Variants in AGBL1 observed in about 807,000 individuals in gnomAD.
AGBL1 encodes AGBL carboxypeptidase 1, also known as cytosolic carboxypeptidase 4.
A neutral mutation model predicts 118.9 loss-of-function variants in AGBL1; 130 were observed. That is an observed-to-expected ratio of 1.09 (90% CI 0.95 to 1.26). The LOEUF (loss-of-function observed/expected upper bound fraction) is 1.26. Ranked by LOEUF, AGBL1 falls within the 50% of genes most tolerant of loss-of-function variation. The pLI is 0.00. For missense variants in AGBL1, 1,584 were observed against 1,298.1 expected (o/e 1.22, Z -3.38); for synonymous variants, 555 against 478.9 (o/e 1.16, Z -2.08).
intron 24 of AGBL1, among the ~76,000 whole-genome samples, chr15:86,999,349 C>A (rs1277061066): frequency 6.7e-6 from 1 of 149,700 alleles, no homozygotes; most frequent in Non-Finnish European, 1.5e-5. Flanking sequence ...TTAGGTATAT[C>A]TCCCGATGCT....
intron 9 of AGBL1, chr15:86,262,573 C>T: frequency 1.6e-6 from 1 of 630,096 alleles, no homozygotes; most frequent in Admixed American, 2.2e-5. Context: ...GACATAAATG[C>T]TGAGACAAGT....
intron 5 of AGBL1, among the ~76,000 whole-genome samples, chr15:86,161,408 G>A (rs2077265367): frequency 6.6e-6 from 1 of 152,114 alleles, no homozygotes; most frequent in South Asian, 2.1e-4. Context: ...AATTTTACCG[G>A]AAAATAAATT....
At chr15:86,992,642 C>T (rs548133137) in intron 24 of AGBL1, among the ~76,000 whole-genome samples, 2 of 152,144 alleles carry the variant, frequency 1.3e-5, no homozygotes, top group South Asian at 4.2e-4. Flanking sequence ...GGACAGATGG[C>T]CATGGGTTCA....
chr15:86,257,851 G>A, intron 8 of AGBL1, 113 bp from the exon 9 acceptor site: 2 of 954,044 alleles, frequency 2.1e-6, no homozygotes, highest in South Asian at 3.2e-5. Context: ...ATTAATATTG[G>A]GCCCCTTATT....
chr15:86,473,024 C>T (rs1328786340), intron 18 of AGBL1, among the ~76,000 whole-genome samples: 2 of 152,098 alleles, frequency 1.3e-5, no homozygotes, highest in Non-Finnish European at 2.9e-5. Context: ...TATAAATATT[C>T]TTATAACTAC....
intron 22 of AGBL1, among the ~76,000 whole-genome samples, chr15:86,842,068 T>TTCTGAAAC (rs58449695): frequency 0.28 from 42,194 of 151,674 alleles, 5,844 homozygotes; most frequent in East Asian, 0.36. Context: ...TGGTAGAAGA[T>TTCTGAAAC]TCTGAAACTC....
At chr15:86,294,450 T>G (rs1005987463) in intron 16 of AGBL1, among the ~76,000 whole-genome samples, 5 of 150,890 alleles carry the variant, frequency 3.3e-5, no homozygotes, top group Admixed American at 6.6e-5. Flanking sequence ...GGTGTCCTAA[T>G]TTCAATGGCT....
At chr15:86,941,056 C>T (rs1297291172) in intron 23 of AGBL1, among the ~76,000 whole-genome samples, 2 of 152,150 alleles carry the variant, frequency 1.3e-5, no homozygotes, top group East Asian at 3.9e-4. Flanking sequence ...TTGGCAAAAG[C>T]AATCAGTAGA....
At chr15:86,331,467 C>A in intron 17 of AGBL1, among the ~76,000 whole-genome samples, 2 of 152,120 alleles carry the variant, frequency 1.3e-5, no homozygotes, top group East Asian at 3.9e-4. Context: ...CTGCAAGATG[C>A]TACAATGATG....
At chr15:86,732,964 T>C (rs1222427917) in intron 22 of AGBL1, among the ~76,000 whole-genome samples, 2 of 145,018 alleles carry the variant, frequency 1.4e-5, no homozygotes, top group Non-Finnish European at 3.0e-5. Context: ...TACACACATA[T>C]ACATATACAT....
intron 22 of AGBL1, among the ~76,000 whole-genome samples, chr15:86,861,315 G>A (rs1443828831): frequency 2.0e-5 from 3 of 152,152 alleles, no homozygotes; most frequent in South Asian, 2.1e-4. Context: ...AAATCCAGCA[G>A]CTACAAATGA....
intron 1 of AGBL1, among the ~76,000 whole-genome samples, chr15:86,106,932 G>T (rs753596617): frequency 1.3e-5 from 2 of 152,168 alleles, no homozygotes; most frequent in East Asian, 1.9e-4. Flanking sequence ...GAACCAACTG[G>T]CAGTGATCAA....
intron 13 of AGBL1, among the ~76,000 whole-genome samples, chr15:86,269,381 G>A (rs564875041): frequency 3.5e-4 from 54 of 152,312 alleles, no homozygotes; most frequent in African/African-American, 1.3e-3. Context: ...ATCTCAAATA[G>A]CAATGGCATA....
At chr15:86,871,345 T>C (rs763195563) in intron 22 of AGBL1, among the ~76,000 whole-genome samples, 1 of 152,160 alleles carries the variant, frequency 6.6e-6, no homozygotes, top group Non-Finnish European at 1.5e-5. Context: ...ACTGTTTCAA[T>C]AGGAAGCCCA....
intron 21 of AGBL1, among the ~76,000 whole-genome samples, chr15:86,642,007 C>G (rs1459954416): frequency 6.6e-6 from 1 of 152,168 alleles, no homozygotes; most frequent in African/African-American, 2.4e-5. Context: ...TGAACTTGTT[C>G]TCATGGTAAT....
At chr15:86,289,495 C>T (rs1857494000) in intron 16 of AGBL1, among the ~76,000 whole-genome samples, 1 of 152,108 alleles carries the variant, frequency 6.6e-6, no homozygotes, top group Non-Finnish European at 1.5e-5. Flanking sequence ...TTATAGCAAC[C>T]ACTGCATGAG....
intron 22 of AGBL1, among the ~76,000 whole-genome samples, chr15:86,734,638 T>C (rs2077568328): frequency 6.6e-6 from 1 of 152,142 alleles, no homozygotes; most frequent in Admixed American, 6.5e-5. Context: ...GGAGTCATTG[T>C]CACTGGTGGT....
intron 5 of AGBL1, among the ~76,000 whole-genome samples, chr15:86,224,009 T>A (rs1013073985): frequency 6.6e-5 from 10 of 152,176 alleles, no homozygotes; most frequent in Non-Finnish European, 7.4e-5. Context: ...TCTGCTGACA[T>A]GTCTGTACAG....
chr15:86,908,009 C>A lies in AGBL1; in HGVS notation c.*715C>A, dbSNP rs1244787285. ...AAACATAATGCTAGGAAGTACCAGA[C>A]CTACTGGAAAATTTATTCATTTCAG... is the stretch of plus-strand genomic sequence containing the variant. On this transcript the variant is annotated 3_prime_UTR_variant, in exon 23 of 23. Transcript: ENST00000614907. 1 of 152,148 alleles carries A rather than the reference C, an allele frequency of 6.6e-6. No homozygotes were observed. The highest frequency in any genetic ancestry group is 1.5e-5 in the Non-Finnish European group (1 of 68,038). The allele number at this position is 152,148 out of a possible 1,614,324, so 9.4% of individuals were successfully genotyped here. A position where few individuals can be genotyped will look rare whatever the true frequency, so the allele number is the denominator to read the frequency against.
Sources: allele counts gnomAD v4.1 joint callset (sites outside exome capture counted in the v4.1 genomes callset), GRCh38; gene constraint gnomAD v4.1.1; transcripts MANE v1.5; gene names NCBI Gene and HGNC (gene_info 2026-07-23, HGNC 2026-07-21).